PCDHA1: variants seen among roughly 807,000 people sequenced by gnomAD.
PCDHA1 encodes protocadherin alpha-1.
In PCDHA1, 42 loss-of-function variants were observed where a neutral mutation model predicts 61.3. That is an observed-to-expected ratio of 0.69 (90% confidence interval 0.54 to 0.89). PCDHA1 has a LOEUF of 0.89. Among genes scored for constraint, PCDHA1 ranks in the 40% least tolerant of loss-of-function variants. PCDHA1 has a pLI of 0.00. For synonymous variants in PCDHA1, 610 were observed against 553.8 expected, an observed-to-expected ratio of 1.10 and a Z score of -1.43; for missense variants, 1,256 against 1,235.3, an observed-to-expected ratio of 1.02 and a Z score of -0.25.
chr5:140,790,687 C>T, intron 1 of PCDHA1, among the ~76,000 whole-genome samples: 1 of 152,210 alleles, frequency 6.6e-6, no homozygotes, highest in South Asian at 2.1e-4. Context: ...TTCCAATTCA[C>T]ATTACTGTGT....
rs782651384 is a variant in PCDHA1 at position 140,835,888 on chromosome 5, G to A, written c.2394+47204G>A. On this transcript the variant is annotated intron_variant, in intron 1 of 3. Coordinates refer to ENST00000504120, the MANE Select transcript of PCDHA1 (RefSeq NM_018900.4). ...CTGGTGGAGCTGCGGGTGGGCGAGC[G>A]CGCGCTGTCGAGCTACGTGTCAGTG... is the stretch of plus-strand genomic sequence containing the variant. 1.2e-6 allele frequency: 2 copies of A among 1,611,826 alleles called. 1 individual carries two copies. Among genetic ancestry groups the A allele is most frequent in the Non-Finnish European group, 1.7e-6 (2 of 1,179,634 alleles).
At chr5:140,882,088 T>G (rs1334008975) in intron 1 of PCDHA1, 3 of 1,087,274 alleles carry the variant, frequency 2.8e-6, no homozygotes, top group African/African-American at 1.6e-5. Flanking sequence ...CGCTCTTCAC[T>G]GAGAACGTTT....
At chr5:140,830,650 A>G (rs1771186234) in intron 1 of PCDHA1, 2 of 455,226 alleles carry the variant, frequency 4.4e-6, no homozygotes, top group East Asian at 4.5e-5. Flanking sequence ...CTTCTTTAAT[A>G]TTCATAATTT....
At chr5:140,881,195 A>G (rs943462031) in intron 1 of PCDHA1, 1 of 173,206 alleles carries the variant, frequency 5.8e-6, no homozygotes, top group Non-Finnish European at 1.1e-5. Context: ...ATATGTTAAC[A>G]TCTTTGTCTA....
intron 1 of PCDHA1, chr5:140,850,432 G>A: frequency 6.3e-7 from 1 of 1,597,826 alleles, no homozygotes; most frequent in Non-Finnish European, 8.6e-7. Context: ...CCGCGCCAGC[G>A]CCTACTGGTG....
chr5:140,835,407 G>A (rs2150234983), intron 1 of PCDHA1: 1 of 1,613,974 alleles, frequency 6.2e-7, no homozygotes, highest in Non-Finnish European at 8.5e-7. Flanking sequence ...GGAAGTTGTG[G>A]ATGTAAATGA....
rs149711844 is a variant in PCDHA1 at position 140,884,286 on chromosome 5, G to T, written c.2395-94663G>T. On this transcript the variant is annotated intron_variant, in intron 1 of 3. Coordinates refer to ENST00000504120, the MANE Select transcript of PCDHA1 (RefSeq NM_018900.4). ...GTGCTGTTGTCGCTGGTGGAGAGCG[G>T]CCAAGCGCCACAGGCTTCGTCGAGG... 1.6e-4 allele frequency: 258 copies of T among 1,613,626 alleles called. No individual in the cohort carries two copies. The highest frequency in any genetic ancestry group is 2.1e-4 in the Non-Finnish European group (242 of 1,179,820).
At chr5:140,795,772 G>C (rs1761993496) in intron 1 of PCDHA1, 1 of 1,613,882 alleles carries the variant, frequency 6.2e-7, no homozygotes, top group Non-Finnish European at 8.5e-7. Flanking sequence ...TTCTGATGCA[G>C]ATGAAGGACC....
At chr5:140,849,522 G>A in intron 1 of PCDHA1, 2 of 1,597,478 alleles carry the variant, frequency 1.3e-6, no homozygotes, top group Middle Eastern at 1.7e-4. Context: ...AGTTGTGGAT[G>A]TAAATGACAA....
chr5:140,787,355 G>C lies in PCDHA1; in HGVS notation c.1065G>C (p.Leu355Phe), dbSNP rs782257489. The C allele has an allele frequency of 6.2e-7, 1 of 1,614,238 alleles. No homozygotes were observed. The highest frequency in any genetic ancestry group is 1.1e-5 in the South Asian group (1 of 91,088). The part of the protein sequence containing the change: ...DNAPELAVTS[L>F]YLPIREDAPL... The stretch of plus-strand genomic sequence containing the variant: ...CTCCAGAACTGGCGGTCACTTCATT[G>C]TATTTGCCTATCAGAGAGGACGCTC... Residue 355 changes from leucine (L) to phenylalanine (F), a missense_variant, in exon 1 of 4, where the codon TTG becomes TTC. By Grantham distance (22) the Leu-to-Phe change is conservative (BLOSUM62 0). Transcript: ENST00000504120.
intron 1 of PCDHA1, among the ~76,000 whole-genome samples, chr5:140,791,590 T>TC (rs1215938208): frequency 6.6e-6 from 1 of 151,950 alleles, no homozygotes; most frequent in Non-Finnish European, 1.5e-5. Flanking sequence ...GGGCATTTTT[T>TC]TTACAACAGG....
Position 140,796,081 on chromosome 5 carries a change from A to T in PCDHA1, c.2394+7397A>T, listed in dbSNP as rs782725155. 5.0e-6 allele frequency: 8 copies of T among 1,614,152 alleles called. No homozygotes were observed. In the South Asian group the frequency reaches 7.7e-5, roughly 16 times the overall value. ...CCTGGGCACTGTCATTGCTCTCATC[A>T]CGGTGTCGGATCGCGACTCTGGTAC... On this transcript the variant is annotated intron_variant, in intron 1 of 3. Transcript: ENST00000504120.
At chr5:140,946,868 T>C (rs1468330981) in intron 1 of PCDHA1, among the ~76,000 whole-genome samples, 1 of 151,412 alleles carries the variant, frequency 6.6e-6, no homozygotes, top group Admixed American at 6.6e-5. Context: ...GAGAGGTTGG[T>C]CAATGGGTAC....
intron 1 of PCDHA1, chr5:140,927,163 GC>G: frequency 6.2e-7 from 1 of 1,614,176 alleles, no homozygotes; most frequent in East Asian, 2.2e-5. Flanking sequence ...CAGGGCCAAA[GC>G]TGCCTGCGTC....
intron 1 of PCDHA1, chr5:140,828,120 G>A (rs1182345858): frequency 2.5e-6 from 4 of 1,612,674 alleles, no homozygotes; most frequent in Non-Finnish European, 3.4e-6. Context: ...GATAGATTGG[G>A]AAAGCAATGT....
intron 1 of PCDHA1, chr5:140,812,411 TG>T (rs1554125981): frequency 6.6e-6 from 1 of 152,160 alleles, no homozygotes; most frequent in East Asian, 1.9e-4. Context: ...TTGTCAGTTT[TG>T]TTGTTTTTTC....
chr5:140,896,391 A>G (rs1438393041), intron 1 of PCDHA1, among the ~76,000 whole-genome samples: 2 of 152,040 alleles, frequency 1.3e-5, no homozygotes, highest in Non-Finnish European at 2.9e-5. Context: ...CCTCACCAGC[A>G]TCTGTTATTT....
intron 3 of PCDHA1, among the ~76,000 whole-genome samples, chr5:140,985,840 T>C (rs1441638586): frequency 2.0e-5 from 3 of 149,512 alleles, no homozygotes; most frequent in African/African-American, 7.4e-5. Flanking sequence ...CCCGGGTTCA[T>C]GCCACTCTCC....
rs2150325901 is a variant in PCDHA1 at position 140,841,940 on chromosome 5, G to A, written c.2394+53256G>A. Reference sequence around the variant, plus strand: ...ATCCTTGGACAGAGAGGACGCTCCTGCGCACCACTTATTCCTGACAGCCAC... The same window carrying A: ...ATCCTTGGACAGAGAGGACGCTCCTACGCACCACTTATTCCTGACAGCCAC... On this transcript the variant is annotated intron_variant, in intron 1 of 3. Transcript: ENST00000504120. 5.0e-6 allele frequency: 8 copies of A among 1,613,930 alleles called. No individual in the cohort carries two copies. In the South Asian group the frequency reaches 6.6e-5, roughly 13 times the overall value.
Sources: gnomAD v4.1 joint callset for allele counts (sites outside exome capture counted in the v4.1 genomes callset) on GRCh38, gnomAD v4.1.1 for gene constraint, MANE v1.5 for transcripts, NCBI Gene and HGNC (gene_info 2026-07-23, HGNC 2026-07-21) for gene names.